The following CALHM2 variants were observed in gnomAD, a reference collection of about 807,000 sequenced individuals.
CALHM2 encodes calcium homeostasis modulator protein 2.
A neutral mutation model predicts 20.4 loss-of-function variants in CALHM2; 18 were observed. That is an observed-to-expected ratio of 0.88 (90% CI 0.61 to 1.31). The LOEUF is 1.31. Among genes scored for constraint, CALHM2 ranks in the 50% most tolerant of loss-of-function variants. The pLI is 0.00. For missense variants in CALHM2, 411 were observed against 435.7 expected (o/e 0.94, Z 0.50); for synonymous variants, 193 against 192.1 (o/e 1.00, Z -0.04).
In CALHM2 at chr10:103,449,302, AC is replaced by A. The variant is rs767591730; in HGVS notation, c.555+84del. 36 of 1,243,858 alleles carry A rather than the reference AC, an allele frequency of 2.9e-5. 1 individual carries two copies. Among genetic ancestry groups the A allele is most frequent in the Non-Finnish European group, 1.2e-6 (1 of 855,722 alleles). The allele number at this position is 1,243,858 out of a possible 1,614,324, so 77.1% of individuals were successfully genotyped here. A position where few individuals can be genotyped will look rare whatever the true frequency, so the allele number is the denominator to read the frequency against. ...CACAGACCTCAGCCCCTGAGGACCA[AC>A]CCCAGCTTTAGCACTAGGCCATCCC... On this transcript the variant is annotated intron_variant, in intron 3 of 3. Coordinates refer to ENST00000260743, the MANE Select transcript of CALHM2 (RefSeq NM_015916.5).
rs2232658 is a variant in CALHM2, at chr10:103,450,224, T to C, written c.-158-125A>G. ...CCCAGGGAAGTGACAGTTGCCACTGTTCACTGAGTTCCTCCAGGGTGCATG... is the reference window on the plus strand; with the variant it reads ...CCCAGGGAAGTGACAGTTGCCACTGCTCACTGAGTTCCTCCAGGGTGCATG... On this transcript the variant is annotated intron_variant, in intron 2 of 3. Transcript: ENST00000260743. The C allele has an allele frequency of 5.1e-3, 2,458 of 482,630 alleles. 49 individuals carry two copies. Among genetic ancestry groups the C allele is most frequent in the African/African-American group, 0.041 (2,094 of 51,550 alleles). 29.9% of individuals were successfully genotyped at this position (482,630 alleles called of 1,614,324 possible).
At position 103,450,030 on chromosome 10, in the gene CALHM2, G is replaced by T; in HGVS notation, c.-89C>A. The T allele has an allele frequency of 8.5e-7, 1 of 1,181,670 alleles. No homozygotes were observed. Among genetic ancestry groups the T allele is most frequent in the Non-Finnish European group, 1.2e-6 (1 of 824,496 alleles). 73.2% of individuals were successfully genotyped at this position (1,181,670 alleles called of 1,614,324 possible). On this transcript the variant is annotated 5_prime_UTR_variant, in exon 3 of 4. Coordinates refer to ENST00000260743, the MANE Select transcript of CALHM2 (RefSeq NM_015916.5). ...CTGGTGGTACTAGGAAGGGGCACAG[G>T]CTGGGAGGCGCTGGACGGCAGGGTG...
chr10:103,447,446 A>G lies in CALHM2; in HGVS notation c.678T>C (p.Asn226=), dbSNP rs2032702037. 33 of 1,614,068 alleles carry G rather than the reference A, an allele frequency of 2.0e-5. No homozygotes were observed. Among genetic ancestry groups the G allele is most frequent in the South Asian group, 5.5e-5 (5 of 91,088 alleles). ...CCGTGCGCTGGAACAGCTGGTCCTCATTGGCGCGGTACTGCGCCCAGTAGG... is the reference window on the plus strand; with the variant it reads ...CCGTGCGCTGGAACAGCTGGTCCTCGTTGGCGCGGTACTGCGCCCAGTAGG... ...QEAYWAQYRA[N]EDQLFQRTAE... is the part of the protein sequence containing the mutation. The change falls in exon 4 of 4, where the codon AAT becomes AAC. Residue 226 remains asparagine (N), a synonymous_variant. Coordinates refer to ENST00000260743, the MANE Select transcript of CALHM2 (RefSeq NM_015916.5).
rs549237264 is a variant in CALHM2, at chr10:103,447,474, T to G, written c.650A>C (p.Glu217Ala). Residue 217 changes from glutamate (E) to alanine (A), a missense_variant, in exon 4 of 4, where the codon GAG (glutamate) becomes GCG (alanine). Physicochemically the swap from Glu to Ala is moderately radical, Grantham distance 107. Coordinates refer to ENST00000260743, the MANE Select transcript of CALHM2 (RefSeq NM_015916.5). Reference protein sequence around the residue: ...HYCSPLSYRQEAYWAQYRANE... With the variant: ...HYCSPLSYRQAAYWAQYRANE... ...GGCGCGGTACTGCGCCCAGTAGGCCTCCTGGCGGTAGCTGAGTGGTGAGCA... is the reference window on the plus strand; with the variant it reads ...GGCGCGGTACTGCGCCCAGTAGGCCGCCTGGCGGTAGCTGAGTGGTGAGCA... The G allele has an allele frequency of 4.0e-5, 65 of 1,613,962 alleles. No individual in the cohort carries two copies. In the East Asian group the frequency reaches 1.2e-3, roughly 31 times the overall value.
chr10:103,450,129 C>G (rs1484751638), intron 2 of CALHM2, 30 bp from the exon 3 acceptor site: 1 of 603,988 alleles, frequency 1.7e-6, no homozygotes, highest in Admixed American at 3.0e-5. Context: ...TAAGTGTTTC[C>G]CTCTGAAAAC....
chr10:103,447,477 TG>T lies in CALHM2; in HGVS notation c.646del (p.Gln216ArgfsTer48). 6.2e-7 allele frequency: 1 copy of T among 1,613,954 alleles called. No individual in the cohort carries two copies. The highest frequency in any genetic ancestry group is 1.6e-4 in the Middle Eastern group (1 of 6,062). The stretch of plus-strand genomic sequence containing the variant: ...GCGGTACTGCGCCCAGTAGGCCTCC[TG>T]GCGGTAGCTGAGTGGTGAGCAGTAA... The part of the protein sequence containing the change: ...KHYCSPLSYR[Q>X]EAYWAQYRAN... On this transcript the variant is annotated frameshift_variant, in exon 4 of 4. Transcript: ENST00000260743. LOFTEE classifies it high-confidence loss of function.
chr10:103,449,610 G>A lies in CALHM2; in HGVS notation c.332C>T (p.Ala111Val), dbSNP rs938801769. 1.9e-6 allele frequency: 3 copies of A among 1,613,938 alleles called. No individual in the cohort carries two copies. The highest frequency in any genetic ancestry group is 2.5e-6 in the Non-Finnish European group (3 of 1,180,040). ...LLLSSILGRA[A>V]VAPVTWSVIS... ...GACAGACCAGGTGACAGGGGCCACA[G>A]CCGCACGTCCCAGGATGGAGCTTAG... Residue 111 changes from alanine to valine, a missense_variant, in exon 3 of 4, where the codon GCT (alanine) becomes GTT (valine). Transcript: ENST00000260743.
In CALHM2 at chr10:103,449,754, A is replaced by G. The variant is rs1280026279; in HGVS notation, c.188T>C (p.Val63Ala). ...AATGATGAAGAGCACCAGGGCGGGC[A>G]CGCCGATGGCCGCCAGCCCGTACAG... Reference protein sequence around the residue: ...NYLYGLAAIGVPALVLFIIGI... With the variant: ...NYLYGLAAIGAPALVLFIIGI... Residue 63 changes from valine (V) to alanine (A), a missense_variant, in exon 3 of 4, where the codon GTG becomes GCG. Physicochemically the swap from Val to Ala is moderately conservative, Grantham distance 64. Transcript: ENST00000260743. 3 of 1,613,346 alleles carry G rather than the reference A, an allele frequency of 1.9e-6. No homozygotes were observed. The highest frequency in any genetic ancestry group is 3.3e-5 in the Admixed American group (2 of 60,010).
chr10:103,448,721 A>C (rs1392102838), intron 3 of CALHM2, among the ~76,000 whole-genome samples: 6 of 139,972 alleles, frequency 4.3e-5, no homozygotes, highest in South Asian at 2.2e-4. Context: ...ACTCTGTCTC[A>C]AAAAAAAAAA....
chr10:103,449,604 G>A lies in CALHM2; in HGVS notation c.338C>T (p.Ala113Val). ...GGAGATGACAGACCAGGTGACAGGG[G>A]CCACAGCCGCACGTCCCAGGATGGA... ...LSSILGRAAV[A>V]PVTWSVISLL... The change falls in exon 3 of 4, where the codon GCC becomes GTC. Residue 113 changes from alanine to valine, a missense_variant. Coordinates refer to ENST00000260743, the MANE Select transcript of CALHM2 (RefSeq NM_015916.5). The A allele has an allele frequency of 6.2e-7, 1 of 1,613,924 alleles. No individual in the cohort carries two copies. The highest frequency in any genetic ancestry group is 8.5e-7 in the Non-Finnish European group (1 of 1,180,040).
rs747089108 is a variant in CALHM2, at chr10:103,451,224, G to C, written c.-300C>G. The C allele has an allele frequency of 2.6e-5, 4 of 152,374 alleles. No individual in the cohort carries two copies. The highest frequency in any genetic ancestry group is 6.5e-5 in the Admixed American group (1 of 15,290). 9.4% of individuals were successfully genotyped at this position (152,374 alleles called of 1,614,324 possible). On this transcript the variant is annotated 5_prime_UTR_variant, in exon 2 of 4. Transcript: ENST00000260743. The stretch of plus-strand genomic sequence containing the variant: ...GCCCTGGTGAGACCAAAGGCTCAGC[G>C]GTGCCACCAGCTCATCCGGAGATTA...
chr10:103,449,364 C>T (rs1238319868), intron 3 of CALHM2, 23 bp downstream of exon 3: 1 of 1,606,422 alleles, frequency 6.2e-7, no homozygotes, highest in Non-Finnish European at 8.5e-7. Flanking sequence ...GGAAGAGGAG[C>T]TTCCCTTTGC....
chr10:103,448,888 G>A (rs1412655565), intron 3 of CALHM2, among the ~76,000 whole-genome samples: 1 of 152,076 alleles, frequency 6.6e-6, no homozygotes, highest in Non-Finnish European at 1.5e-5. Flanking sequence ...CCCAGCTAAG[G>A]CTCAGGACGG....
intron 1 of CALHM2, chr10:103,451,675 G>GAGGAGGAGGAGGAGTAGGAGT (rs56662667): frequency 1.4e-5 from 2 of 145,406 alleles, no homozygotes; most frequent in Non-Finnish European, 3.0e-5. Context: ...GGAGGAGGAG[G>GAGGAGGAGGAGGAGTAGGAGT]AGTCTGATTC....
In CALHM2 at chr10:103,449,657, G is replaced by A. The variant is rs202187246; in HGVS notation, c.285C>T (p.Ser95=). ...ECQHRRTKNC[S]AAPTFLLLSS... is the part of the protein sequence containing the mutation. ...TTAGAAGGAGGAAGGTGGGGGCGGCGGAGCAGTTCTTGGTCCTCCGGTGCT... is the reference window on the plus strand; with the variant it reads ...TTAGAAGGAGGAAGGTGGGGGCGGCAGAGCAGTTCTTGGTCCTCCGGTGCT... Residue 95 remains serine (S), a synonymous_variant, in exon 3 of 4, where the codon TCC becomes TCT. Transcript: ENST00000260743. 1.6e-5 allele frequency: 26 copies of A among 1,613,732 alleles called. No homozygotes were observed. Among genetic ancestry groups the A allele is most frequent in the African/African-American group, 2.7e-5 (2 of 74,942 alleles).
rs775894783 is a variant in CALHM2, at chr10:103,447,471, GCCT to G, written c.650_652del (p.Glu217del). 3.1e-6 allele frequency: 5 copies of G among 1,614,020 alleles called. No individual in the cohort carries two copies. The highest frequency in any genetic ancestry group is 4.2e-6 in the Non-Finnish European group (5 of 1,179,882). ...ATTGGCGCGGTACTGCGCCCAGTAG[GCCT>G]CCTGGCGGTAGCTGAGTGGTGAGCA... On this transcript the variant is annotated inframe_deletion, in exon 4 of 4. Coordinates refer to ENST00000260743, the MANE Select transcript of CALHM2 (RefSeq NM_015916.5).
rs773132552 is a variant in CALHM2 at position 103,449,388 on chromosome 10, T to TGG, written c.552_553dup (p.Gln185ProfsTer18). On this transcript the variant is annotated frameshift_variant and splice_region_variant, in exon 3 of 4. Coordinates refer to ENST00000260743, the MANE Select transcript of CALHM2 (RefSeq NM_015916.5). LOFTEE classifies it high-confidence loss of function. ...GCTTCCCTTTGCACAGCTCCTTACC[T>TGG]GGGACTCATACCTGAGCCTGCGGCT... 5 of 1,612,130 alleles carry TGG rather than the reference T, an allele frequency of 3.1e-6. No homozygotes were observed. The South Asian group carries it at 3.3e-5, about 11-fold the overall frequency.
intron 3 of CALHM2, among the ~76,000 whole-genome samples, chr10:103,447,905 T>C (rs17115660): frequency 0.033 from 5,018 of 152,214 alleles, 114 homozygotes; most frequent in African/African-American, 0.071. Flanking sequence ...CTTTTCTGAA[T>C]CTCCCGTGGC....
chr10:103,447,702 CT>C, intron 3 of CALHM2, 134 bp from the exon 4 acceptor site: 1 of 742,546 alleles, frequency 1.3e-6, no homozygotes, highest in Non-Finnish European at 2.1e-6. Flanking sequence ...CCATCGTTTC[CT>C]TACCCCCTTT....
Sources: allele counts gnomAD v4.1 joint callset (sites outside exome capture counted in the v4.1 genomes callset), GRCh38; gene constraint gnomAD v4.1.1; transcripts MANE v1.5; gene names NCBI Gene and HGNC (gene_info 2026-07-23, HGNC 2026-07-21).